The following MAGI1 variants were observed in gnomAD, a reference collection of about 807,000 sequenced individuals.
The protein encoded by MAGI1 is membrane associated guanylate kinase, WW and PDZ domain containing 1, also known as membrane-associated guanylate kinase, WW and PDZ domain-containing protein 1.
Under a neutral mutation model 139.9 loss-of-function variants are expected in MAGI1, and 58 were observed. The observed-to-expected ratio is 0.41, with a 90% CI of 0.34 to 0.52. The LOEUF is 0.52. MAGI1 is among the 20% of genes least tolerant of loss of function. The probability of loss-of-function intolerance (pLI) is 0.12; values close to 1 mark genes in which losing one functional copy is unlikely to be tolerated. For synonymous variants in MAGI1, 812 were observed against 737.9 expected, an observed-to-expected ratio of 1.10 and a Z score of -1.63; for missense variants, 1,874 against 1,901.6, an observed-to-expected ratio of 0.99 and a Z score of 0.27.
chr3:65,439,808 G>A (rs878907449), intron 9 of MAGI1, 71 bp downstream of exon 9: 94 of 1,598,726 alleles, frequency 5.9e-5, no homozygotes, highest in South Asian at 8.8e-5. Flanking sequence ...CTGACCACAC[G>A]AGGGTGTCAG....
At chr3:65,636,140 G>A (rs1486885213) in intron 1 of MAGI1, among the ~76,000 whole-genome samples, 5 of 152,124 alleles carry the variant, frequency 3.3e-5, no homozygotes, top group African/African-American at 1.2e-4. Flanking sequence ...GGATACGGGA[G>A]GAGAGGGGCA....
chr3:66,016,809 A>G (rs915643184), intron 1 of MAGI1, among the ~76,000 whole-genome samples: 4 of 152,248 alleles, frequency 2.6e-5, no homozygotes, highest in Non-Finnish European at 5.9e-5. Flanking sequence ...AATATTATTC[A>G]GACTTTAGAA....
chr3:65,536,619 G>C (rs1330928889), intron 2 of MAGI1, among the ~76,000 whole-genome samples: 4 of 152,138 alleles, frequency 2.6e-5, no homozygotes, highest in Non-Finnish European at 5.9e-5. Context: ...CAGCTCCTGA[G>C]GTGCATGTGA....
chr3:65,680,080 G>T (rs1444854083), intron 1 of MAGI1, among the ~76,000 whole-genome samples: 1 of 152,096 alleles, frequency 6.6e-6, no homozygotes, highest in Non-Finnish European at 1.5e-5. Flanking sequence ...TAAGTATGGG[G>T]ACAAGAAAGC....
intron 3 of MAGI1, among the ~76,000 whole-genome samples, chr3:65,489,941 T>C (rs2107655218): frequency 6.6e-6 from 1 of 152,312 alleles, no homozygotes; most frequent in Non-Finnish European, 1.5e-5. Flanking sequence ...GAGTGCTTTG[T>C]GTTGTTGTGG....
intron 8 of MAGI1, among the ~76,000 whole-genome samples, chr3:65,440,230 C>T (rs886971560): frequency 6.6e-6 from 1 of 152,118 alleles, no homozygotes; most frequent in Non-Finnish European, 1.5e-5. Flanking sequence ...GTTTTATATG[C>T]ATTTTATTTA....
intron 2 of MAGI1, among the ~76,000 whole-genome samples, chr3:65,583,357 A>G (rs144951445): frequency 1.8e-3 from 267 of 152,316 alleles, no homozygotes; most frequent in African/African-American, 5.8e-3. Flanking sequence ...GCGTCTTGCA[A>G]GACAGCTGAA....
intron 4 of MAGI1, among the ~76,000 whole-genome samples, chr3:65,470,969 T>C (rs1253649605): frequency 2.0e-5 from 3 of 152,234 alleles, no homozygotes; most frequent in African/African-American, 7.2e-5. Context: ...GTTATTTTTA[T>C]ATTTGTATAA....
At chr3:65,909,716 A>G (rs992090987) in intron 1 of MAGI1, among the ~76,000 whole-genome samples, 3 of 152,188 alleles carry the variant, frequency 2.0e-5, no homozygotes, top group Non-Finnish European at 4.4e-5. Context: ...AAAAAAATGT[A>G]AAAAGAAAAG....
chr3:65,856,479 T>C (rs2059382398), intron 1 of MAGI1, among the ~76,000 whole-genome samples: 1 of 152,202 alleles, frequency 6.6e-6, no homozygotes, highest in Non-Finnish European at 1.5e-5. Context: ...AACTCAGGTA[T>C]CTGATCCAAT....
At chr3:65,847,108 G>A (rs1172776390) in intron 1 of MAGI1, among the ~76,000 whole-genome samples, 1 of 151,540 alleles carries the variant, frequency 6.6e-6, no homozygotes, top group Non-Finnish European at 1.5e-5. Flanking sequence ...TGAAATGACT[G>A]TGCAAAAAGC....
chr3:65,688,248 C>A, intron 1 of MAGI1: 2 of 837,592 alleles, frequency 2.4e-6, no homozygotes, highest in Non-Finnish European at 4.0e-6. Context: ...AGCCCAGACT[C>A]TGGTCTGAAT....
At chr3:65,437,490 A>C (rs1387624838) in intron 9 of MAGI1, among the ~76,000 whole-genome samples, 1 of 151,942 alleles carries the variant, frequency 6.6e-6, no homozygotes, top group South Asian at 2.1e-4. Context: ...CTCTGGCTGG[A>C]AAGTCCAAAG....
chr3:65,906,431 T>C (rs2061436016), intron 1 of MAGI1, among the ~76,000 whole-genome samples: 1 of 152,208 alleles, frequency 6.6e-6, no homozygotes, highest in African/African-American at 2.4e-5. Context: ...AAGGGGAAGA[T>C]GCAATGGGTG....
intron 1 of MAGI1, chr3:65,688,127 T>C (rs1393217619): frequency 7.8e-6 from 6 of 768,566 alleles, no homozygotes; most frequent in African/African-American, 1.7e-5. Flanking sequence ...AGATTCTAGG[T>C]GCAGGACTGT....
intron 1 of MAGI1, among the ~76,000 whole-genome samples, chr3:65,790,543 G>A (rs1195666310): frequency 6.6e-6 from 1 of 152,154 alleles, no homozygotes; most frequent in Non-Finnish European, 1.5e-5. Flanking sequence ...GAATGGTTAG[G>A]CAGAAGACAA....
chr3:65,462,140 A>C (rs1949839791), intron 5 of MAGI1, among the ~76,000 whole-genome samples: 1 of 152,030 alleles, frequency 6.6e-6, no homozygotes, highest in African/African-American at 2.4e-5. Flanking sequence ...CCATTTGTCA[A>C]TTTTGGCTTT....
At chr3:65,659,525 G>C (rs1473997113) in intron 1 of MAGI1, among the ~76,000 whole-genome samples, 1 of 152,108 alleles carries the variant, frequency 6.6e-6, no homozygotes, top group African/African-American at 2.4e-5. Flanking sequence ...AAACTGGAAG[G>C]CAACATAGTT....
At chr3:65,681,384 T>G (rs922947188) in intron 1 of MAGI1, among the ~76,000 whole-genome samples, 1 of 152,204 alleles carries the variant, frequency 6.6e-6, no homozygotes, top group South Asian at 2.1e-4. Context: ...TAAATGACAC[T>G]GAAAGATAAA....
Sources: gnomAD v4.1 joint callset for allele counts (sites outside exome capture counted in the v4.1 genomes callset) on GRCh38, gnomAD v4.1.1 for gene constraint, MANE v1.5 for transcripts, NCBI Gene and HGNC (gene_info 2026-07-23, HGNC 2026-07-21) for gene names.